Variants in SLC6A6 observed in about 807,000 individuals in gnomAD.
SLC6A6 encodes sodium- and chloride-dependent taurine transporter.
SLC6A6 carries 16 observed loss-of-function variants against 68.8 expected under a neutral mutation model. The observed-to-expected ratio is 0.23, with a 90% CI of 0.16 to 0.35. SLC6A6 has a LOEUF of 0.35. Ranked by LOEUF, SLC6A6 falls within the 10% of genes least tolerant of loss-of-function variation. SLC6A6 has a pLI of 1.00. For missense variants in SLC6A6, 474 were observed against 802.8 expected (o/e 0.59, Z 4.95); for synonymous variants, 312 against 315.4 (o/e 0.99, Z 0.12).
chr3:14,438,349 G>A (rs1013770583), intron 2 of SLC6A6, among the ~76,000 whole-genome samples: 2 of 152,102 alleles, frequency 1.3e-5, no homozygotes, highest in Non-Finnish European at 2.9e-5. Flanking sequence ...GTGAGGAAGC[G>A]GAGGCACAGA....
At chr3:14,428,321 C>T (rs530313725) in intron 2 of SLC6A6, among the ~76,000 whole-genome samples, 19 of 152,328 alleles carry the variant, frequency 1.2e-4, no homozygotes, top group African/African-American at 4.1e-4. Context: ...ATCTGTAAAG[C>T]ACTCGGCGGG....
chr3:14,416,855 T>C (rs900439775), intron 2 of SLC6A6, among the ~76,000 whole-genome samples: 1 of 152,232 alleles, frequency 6.6e-6, no homozygotes, highest in African/African-American at 2.4e-5. Flanking sequence ...AGGTTTGTTT[T>C]TGTTTTGAGA....
intron 2 of SLC6A6, among the ~76,000 whole-genome samples, chr3:14,440,971 A>T (rs1051611376): frequency 5.9e-5 from 9 of 152,126 alleles, no homozygotes; most frequent in African/African-American, 2.2e-4. Context: ...TGGTGGGACG[A>T]TGGGGTCCTG....
chr3:14,488,995 T>C lies in SLC6A6; in HGVS notation c.*3988T>C, dbSNP rs1351527238. On this transcript the variant is annotated 3_prime_UTR_variant, in exon 15 of 15. Coordinates refer to ENST00000622186, the MANE Select transcript of SLC6A6 (RefSeq NM_003043.6). ...CACAAGAGAAAGCTGAGAATGTGGG[T>C]CTTGCCTCCTTCCAGAAATATGTCT... 1 of 152,594 alleles carries C rather than the reference T, an allele frequency of 6.6e-6. No homozygotes were observed. Among genetic ancestry groups the C allele is most frequent in the Non-Finnish European group, 1.5e-5 (1 of 68,040 alleles). The allele number at this position is 152,594 out of a possible 1,614,324, so 9.5% of individuals were successfully genotyped here. A position where few individuals can be genotyped will look rare whatever the true frequency, so the allele number is the denominator to read the frequency against.
In SLC6A6 at chr3:14,487,847, C is replaced by T. The variant is rs1701213523; in HGVS notation, c.*2840C>T. 1 of 152,378 alleles carries T rather than the reference C, an allele frequency of 6.6e-6. No homozygotes were observed. Among genetic ancestry groups the T allele is most frequent in the Non-Finnish European group, 1.5e-5 (1 of 68,070 alleles). The allele number at this position is 152,378 out of a possible 1,614,324, so 9.4% of individuals were successfully genotyped here. On this transcript the variant is annotated 3_prime_UTR_variant, in exon 15 of 15. Transcript: ENST00000622186. ...GGGAATGGTGAGTGTCTAACCAGGGCTACATCCAGCAACATCCTCAAGGTC... is the reference window on the plus strand; with the variant it reads ...GGGAATGGTGAGTGTCTAACCAGGGTTACATCCAGCAACATCCTCAAGGTC...
At position 14,481,424 on chromosome 3, in the gene SLC6A6, C is replaced by G. The variant is rs1701004076; in HGVS notation, c.1552-247C>G. On this transcript the variant is annotated intron_variant, in intron 13 of 14. Transcript: ENST00000622186. The surrounding 1 kb of genome is among the most constrained non-coding windows in gnomAD (Gnocchi z 4.7). ...CTTCTGCTGACACTCCCGGCTGCACCGAGGAGTTTGGGCTGCATCTGCTGG... is the reference window on the plus strand; with the variant it reads ...CTTCTGCTGACACTCCCGGCTGCACGGAGGAGTTTGGGCTGCATCTGCTGG... Among the ~76,000 whole-genome samples the G allele has an allele frequency of 6.6e-6, 1 of 151,836 alleles. No individual in the cohort carries two copies. Among genetic ancestry groups the G allele is most frequent in the South Asian group, 2.1e-4 (1 of 4,818 alleles).
chr3:14,435,514 G>A (rs1365193831), intron 2 of SLC6A6, among the ~76,000 whole-genome samples: 2 of 152,180 alleles, frequency 1.3e-5, no homozygotes, highest in African/African-American at 4.8e-5. Flanking sequence ...CTTTCACTAC[G>A]ACCAGAATAT....
At chr3:14,435,101 C>T (rs951017667) in intron 2 of SLC6A6, among the ~76,000 whole-genome samples, 1 of 152,210 alleles carries the variant, frequency 6.6e-6, no homozygotes, top group Non-Finnish European at 1.5e-5. Flanking sequence ...AGAAGAACTA[C>T]GTGGTCTGGC....
In SLC6A6 at chr3:14,454,674, T is replaced by A. The variant is rs191061300; in HGVS notation, c.600-3276T>A. Among the ~76,000 whole-genome samples the A allele has an allele frequency of 1.2e-3, 187 of 152,320 alleles. 1 individual carries two copies. The highest frequency in any genetic ancestry group is 4.3e-3 in the African/African-American group (178 of 41,556). ...TTCACGTGGCCCGTTATAAAGCTTT[T>A]CAAGAATTTAAAATAACTTTTATAA... On this transcript the variant is annotated intron_variant, in intron 5 of 14. Coordinates refer to ENST00000622186, the MANE Select transcript of SLC6A6 (RefSeq NM_003043.6).
At chr3:14,446,890 G>A (rs926315192) in intron 4 of SLC6A6, among the ~76,000 whole-genome samples, 2 of 152,092 alleles carry the variant, frequency 1.3e-5, no homozygotes, top group African/African-American at 4.8e-5. Context: ...TGGCAGAGAC[G>A]GGAGCATATG....
chr3:14,455,597 T>A (rs1368874368), intron 5 of SLC6A6, among the ~76,000 whole-genome samples: 7 of 152,152 alleles, frequency 4.6e-5, no homozygotes, highest in Non-Finnish European at 7.3e-5. Context: ...TTCCAGAACC[T>A]CAGGGAGGCT....
At chr3:14,479,282 C>T (rs566387912) in intron 13 of SLC6A6, 97 bp downstream of exon 13, 4 of 819,974 alleles carry the variant, frequency 4.9e-6, no homozygotes, top group African/African-American at 3.3e-5. Flanking sequence ...ATCTGTTCAG[C>T]GTGGGCTTAT....
intron 5 of SLC6A6, among the ~76,000 whole-genome samples, chr3:14,451,005 C>A (rs1357603065): frequency 1.3e-5 from 2 of 152,248 alleles, no homozygotes; most frequent in Non-Finnish European, 2.9e-5. Context: ...TACCTACAAT[C>A]TGAGCACTGT....
In SLC6A6 at chr3:14,477,876, G is replaced by T. The variant is rs1293253360; in HGVS notation, c.1347+534G>T. ...TTCAGATGCAGACAAGGGAAGCAAAGAGCAGAAGGGAACGGGAACGTCTAA... is the reference window on the plus strand; with the variant it reads ...TTCAGATGCAGACAAGGGAAGCAAATAGCAGAAGGGAACGGGAACGTCTAA... On this transcript the variant is annotated intron_variant, in intron 11 of 14. Transcript: ENST00000622186. The surrounding 1 kb of genome is among the most constrained non-coding windows in gnomAD (Gnocchi z 4.2). Among the ~76,000 whole-genome samples, 1 of 152,162 alleles carries T rather than the reference G, an allele frequency of 6.6e-6. No homozygotes were observed. The highest frequency in any genetic ancestry group is 1.5e-5 in the Non-Finnish European group (1 of 68,022).
chr3:14,461,769 C>T (rs1332888992), intron 6 of SLC6A6, among the ~76,000 whole-genome samples: 2 of 152,194 alleles, frequency 1.3e-5, no homozygotes, highest in East Asian at 3.9e-4. Flanking sequence ...TAGTGAAGCC[C>T]CTCACCAACA....
rs951889893 is a variant in SLC6A6, at chr3:14,402,759, C to A, written c.-142C>A. Reference sequence around the variant, plus strand: ...GAGGGAGTGCGGAGCGTTCACCCAGCGGGTCAGAGAGCGAGCGGGCAGGCA... The same window carrying A: ...GAGGGAGTGCGGAGCGTTCACCCAGAGGGTCAGAGAGCGAGCGGGCAGGCA... On this transcript the variant is annotated 5_prime_UTR_variant, in exon 1 of 15. Coordinates refer to ENST00000622186, the MANE Select transcript of SLC6A6 (RefSeq NM_003043.6). The surrounding 1 kb of genome is among the most constrained non-coding windows in gnomAD (Gnocchi z 4.8). The A allele has an allele frequency of 1.0e-5, 4 of 397,984 alleles. No individual in the cohort carries two copies. The allele number at this position is 397,984 out of a possible 1,614,324, so 24.7% of individuals were successfully genotyped here.
chr3:14,441,609 CG>C (rs1699990360), intron 2 of SLC6A6, among the ~76,000 whole-genome samples: 1 of 152,166 alleles, frequency 6.6e-6, no homozygotes, highest in African/African-American at 2.4e-5. Context: ...GTGGGGGAAA[CG>C]GGGGTTTTGT....
In SLC6A6 at chr3:14,450,340, C is replaced by T. The variant is rs1700227042; in HGVS notation, c.599+2524C>T. On this transcript the variant is annotated intron_variant, in intron 5 of 14. Coordinates refer to ENST00000622186, the MANE Select transcript of SLC6A6 (RefSeq NM_003043.6). The surrounding 1 kb of genome is among the most constrained non-coding windows in gnomAD (Gnocchi z 4.1). ...CTTCCAGAATCTCCATTCTGAGCAC[C>T]CCAGCTCCATTTTCTGGCCTGGAAG... Among the ~76,000 whole-genome samples the T allele has an allele frequency of 6.6e-6, 1 of 152,096 alleles. No individual in the cohort carries two copies. Among genetic ancestry groups the T allele is most frequent in the Admixed American group, 6.5e-5 (1 of 15,276 alleles).
In SLC6A6 at chr3:14,485,111, T is replaced by C. The variant is rs1701117489; in HGVS notation, c.*104T>C. 2.1e-6 allele frequency: 2 copies of C among 973,292 alleles called. No homozygotes were observed. Among genetic ancestry groups the C allele is most frequent in the East Asian group, 5.3e-5 (2 of 37,876 alleles). The allele number at this position is 973,292 out of a possible 1,614,324, so 60.3% of individuals were successfully genotyped here. A position where few individuals can be genotyped will look rare whatever the true frequency, so the allele number is the denominator to read the frequency against. On this transcript the variant is annotated 3_prime_UTR_variant, in exon 15 of 15. Coordinates refer to ENST00000622186, the MANE Select transcript of SLC6A6 (RefSeq NM_003043.6). ...CTTTATATTTGCACTAGGATTTTTTTTTTTTTGTAATTGTCACAGAAAATG... is the reference window on the plus strand; with the variant it reads ...CTTTATATTTGCACTAGGATTTTTTCTTTTTTGTAATTGTCACAGAAAATG...
Sources: gnomAD v4.1 joint callset for allele counts (sites outside exome capture counted in the v4.1 genomes callset) on GRCh38, gnomAD v4.1.1 for gene constraint, Gnocchi (gnomAD v3.1) non-coding constraint, MANE v1.5 for transcripts, NCBI Gene and HGNC (gene_info 2026-07-23, HGNC 2026-07-21) for gene names.